NT5DC3: variants seen among roughly 807,000 people sequenced by gnomAD.
The protein encoded by NT5DC3 is 5'-nucleotidase domain containing 3.
A neutral mutation model predicts 67.8 loss-of-function variants in NT5DC3; 42 were observed. That is an observed-to-expected ratio of 0.62 (90% CI 0.48 to 0.80). The LOEUF (loss-of-function observed/expected upper bound fraction) is 0.80. Ranked by LOEUF, NT5DC3 falls within the 30% of genes least tolerant of loss-of-function variation. NT5DC3 has a pLI of 0.00. For synonymous variants in NT5DC3, 237 were observed against 255.6 expected, an observed-to-expected ratio of 0.93 and a Z score of 0.69; for missense variants, 570 against 696.4, an observed-to-expected ratio of 0.82 and a Z score of 2.04.
intron 9 of NT5DC3, among the ~76,000 whole-genome samples, chr12:103,792,946 T>C (rs190108343): frequency 1.3e-5 from 2 of 152,364 alleles, no homozygotes; most frequent in African/African-American, 4.8e-5. Context: ...GGGTCTGAAG[T>C]AGCTCAAGTT....
intron 12 of NT5DC3, among the ~76,000 whole-genome samples, chr12:103,782,714 C>G (rs73192039): frequency 0.067 from 10,131 of 152,238 alleles, 407 homozygotes; most frequent in Middle Eastern, 0.078. Flanking sequence ...GAAATTACAA[C>G]CAAAATTTAT....
the NT5DC3 span, chr12:103,758,119 G>C: frequency 1.2e-6 from 2 of 1,611,118 alleles, no homozygotes; most frequent in Middle Eastern, 1.7e-4. Context: ...AGCCACCCAG[G>C]TCCCTGCACA....
At chr12:103,760,348 C>T in the NT5DC3 span, among the ~76,000 whole-genome samples, 1 of 152,180 alleles carries the variant, frequency 6.6e-6, no homozygotes, top group African/African-American at 2.4e-5. Flanking sequence ...GCAACCTCCC[C>T]CTCCTGGATT....
chr12:103,755,278 A>G, the NT5DC3 span: 4 of 1,611,114 alleles, frequency 2.5e-6, 1 homozygote, highest in Middle Eastern at 1.7e-4. Context: ...CAGCTGACCC[A>G]TGGCCCTGTC....
chr12:103,768,309 C>T (rs185153982), downstream of NT5DC3, among the ~76,000 whole-genome samples: 318 of 149,780 alleles, frequency 2.1e-3, no homozygotes, highest in Non-Finnish European at 3.2e-3. Context: ...GTGGTGCACA[C>T]CTGTAGTTCC....
chr12:103,753,400 C>G, the NT5DC3 span: 136 of 1,612,486 alleles, frequency 8.4e-5, 1 homozygote, highest in African/African-American at 1.7e-3. Context: ...TCTGCAGGGG[C>G]GGAAGTGCAG....
the NT5DC3 span, chr12:103,753,196 CGATT>C: frequency 1.9e-6 from 3 of 1,612,638 alleles, no homozygotes; most frequent in South Asian, 3.3e-5. Flanking sequence ...CTGACCTGGG[CGATT>C]CCTCCTCTTC....
At chr12:103,748,578 T>G in the NT5DC3 span, among the ~76,000 whole-genome samples, 3 of 147,248 alleles carry the variant, frequency 2.0e-5, no homozygotes, top group Non-Finnish European at 4.5e-5. Flanking sequence ...TTGTACTAAC[T>G]CTACACCACA....
At chr12:103,766,173 C>G (rs778863265), downstream of NT5DC3, 1 of 1,372,070 alleles carries the variant, frequency 7.3e-7, no homozygotes, top group Admixed American at 1.7e-5. Context: ...CCAGCACATA[C>G]GTGTTCACAG....
chr12:103,811,917 G>A lies in NT5DC3; in HGVS notation c.393+3020C>T, dbSNP rs117071499. On this transcript the variant is annotated intron_variant, in intron 2 of 13. Coordinates refer to ENST00000392876, the MANE Select transcript of NT5DC3 (RefSeq NM_001031701.3). ...GAGATCAGACATGGACACGGAGTGC[G>A]AGCGGTCACAGCCAATGCTTTGGAT... 4.8e-3 allele frequency among the ~76,000 whole-genome samples: 733 copies of A among 151,994 alleles called. 7 individuals are homozygous for A. The highest frequency in any genetic ancestry group is 0.036 in the South Asian group (172 of 4,778).
At chr12:103,840,408 C>CATCTCA (rs1183415816) in intron 1 of NT5DC3, among the ~76,000 whole-genome samples, 1 of 143,284 alleles carries the variant, frequency 7.0e-6, no homozygotes, top group African/African-American at 2.8e-5. Context: ...CTCATCTCAT[C>CATCTCA]TCATCTCATC....
chr12:103,784,003 C>A (rs1885664997), intron 12 of NT5DC3, among the ~76,000 whole-genome samples: 1 of 152,114 alleles, frequency 6.6e-6, no homozygotes, highest in East Asian at 1.9e-4. Flanking sequence ...CCCTGCCCTG[C>A]CATTTTATGA....
intron 1 of NT5DC3, 78 bp downstream of exon 1, chr12:103,840,871 G>A (rs1289276285): frequency 1.2e-6 from 1 of 817,994 alleles, no homozygotes; most frequent in Non-Finnish European, 1.7e-6. Context: ...GGCTGGTCCG[G>A]GTCCTAGGGC....
intron 6 of NT5DC3, 39 bp from the exon 7 acceptor site, chr12:103,794,036 T>A: frequency 1.4e-6 from 2 of 1,477,058 alleles, no homozygotes; most frequent in Non-Finnish European, 9.5e-7. Context: ...AAAATACAAC[T>A]GAGATAGCCT....
chr12:103,816,967 C>CTTTTTTTTTTTT (rs376622215), intron 1 of NT5DC3, among the ~76,000 whole-genome samples: 29 of 118,948 alleles, frequency 2.4e-4, no homozygotes, highest in East Asian at 4.7e-4. Flanking sequence ...TTTCTTTTTT[C>CTTTTTTTTTTTT]TTTTTTTTTT....
At chr12:103,806,495 C>T (rs1886806046) in intron 3 of NT5DC3, 118 bp from the exon 4 acceptor site, 1 of 729,000 alleles carries the variant, frequency 1.4e-6, no homozygotes, top group South Asian at 1.6e-5. Context: ...CAAGGAAGCA[C>T]ACTGTATATT....
In NT5DC3 at chr12:103,797,013, T is replaced by A. The variant is rs1886346723; in HGVS notation, c.634A>T (p.Met212Leu). ...GAGAAGATGTCCATGAACTGCTTCA[T>A]CGTGTTTCCATGAGAGCTCTGCAGA... The part of the protein sequence containing the change: ...FYGKSSHGNT[M>L]KQFMDIFSLP... Residue 212 changes from methionine (M) to leucine (L), a missense_variant, in exon 6 of 14, where the codon ATG becomes TTG. Physicochemically the swap from Met to Leu is conservative, Grantham distance 15. Around this residue, in one of 2 missense-constraint regions of NT5DC3, gnomAD observed 466 missense variants for 608.0 expected, o/e 0.77. Transcript: ENST00000392876. The A allele has an allele frequency of 6.2e-7, 1 of 1,614,160 alleles. No homozygotes were observed. Among genetic ancestry groups the A allele is most frequent in the Non-Finnish European group, 8.5e-7 (1 of 1,180,030 alleles).
intron 9 of NT5DC3, among the ~76,000 whole-genome samples, chr12:103,791,796 C>G (rs974596044): frequency 6.6e-6 from 1 of 152,178 alleles, no homozygotes; most frequent in Admixed American, 6.5e-5. Context: ...CTCAAAGGAG[C>G]GGAACCCTAT....
chr12:103,841,166 C>T lies in NT5DC3; in HGVS notation c.-10G>A. On this transcript the variant is annotated 5_prime_UTR_variant, in exon 1 of 14. Coordinates refer to ENST00000392876, the MANE Select transcript of NT5DC3 (RefSeq NM_001031701.3). ...CCGCTGCCATGGTCATGCCTGCTGC[C>T]TGCTGCCGCCACCGCCGCCGCGCCG... 1 of 698,336 alleles carries T rather than the reference C, an allele frequency of 1.4e-6. No individual in the cohort carries two copies. The highest frequency in any genetic ancestry group is 2.2e-6 in the Non-Finnish European group (1 of 445,704). 43.3% of individuals were successfully genotyped at this position (698,336 alleles called of 1,614,324 possible). A position where few individuals can be genotyped will look rare whatever the true frequency, so the allele number is the denominator to read the frequency against.
Sources: allele counts gnomAD v4.1 joint callset (sites outside exome capture counted in the v4.1 genomes callset), GRCh38; gene constraint gnomAD v4.1.1; regional missense constraint gnomAD v4.1.1; transcripts MANE v1.5; gene names NCBI Gene and HGNC (gene_info 2026-07-23, HGNC 2026-07-21).